Variants in MGAM observed in about 807,000 individuals in gnomAD.
The protein encoded by MGAM is maltase-glucoamylase, also known as alpha-1,4-glucosidase.
In MGAM, 253 loss-of-function variants were observed where a neutral mutation model predicts 358.8. The ratio of observed to expected loss-of-function variants is 0.71; its 90% CI spans 0.64 to 0.78. The LOEUF is 0.78. Ranked by LOEUF, MGAM falls within the 30% of genes least tolerant of loss-of-function variation. The pLI is 0.00. For missense variants in MGAM, 3,080 were observed against 3,432.6 expected (o/e 0.90, Z 2.57); for synonymous variants, 1,105 against 1,227.1 (o/e 0.90, Z 2.08).
chr7:142,068,617 C>G lies in MGAM; in HGVS notation c.5005-30C>G. On this transcript the variant is annotated intron_variant, in intron 42 of 70. Transcript: ENST00000475668. ...TACTCTGTCCTGGAAAATGGTGGCA[C>G]TGCCTCACCTTGTTTGTGTTTCATT... The G allele has an allele frequency of 2.0e-6, 3 of 1,483,050 alleles. 1 individual carries two copies. Among genetic ancestry groups the G allele is most frequent in the Non-Finnish European group, 2.8e-6 (3 of 1,068,988 alleles). 91.9% of individuals were successfully genotyped at this position (1,483,050 alleles called of 1,614,324 possible).
At chr7:142,046,613 C>G (rs1319161862) in intron 21 of MGAM, among the ~76,000 whole-genome samples, 1 of 152,012 alleles carries the variant, frequency 6.6e-6, no homozygotes, top group Non-Finnish European at 1.5e-5. Flanking sequence ...TACTAAGCCC[C>G]CTTTTGGTTT....
intron 21 of MGAM, among the ~76,000 whole-genome samples, chr7:142,044,812 A>T (rs1037300807): frequency 9.4e-5 from 7 of 74,456 alleles, no homozygotes; most frequent in African/African-American, 4.0e-4. Context: ...TATATTATAT[A>T]CACGTGTAAT....
chr7:142,074,083 A>G lies in MGAM; in HGVS notation c.5187-2A>G, dbSNP rs1345229372. The G allele has an allele frequency of 1.3e-6, 2 of 1,529,018 alleles. No homozygotes were observed. Among genetic ancestry groups the G allele is most frequent in the African/African-American group, 1.3e-5 (1 of 74,436 alleles). 94.7% of individuals were successfully genotyped at this position (1,529,018 alleles called of 1,614,324 possible). On this transcript the variant is annotated splice_acceptor_variant, in intron 44 of 70. Transcript: ENST00000475668. LOFTEE classifies it high-confidence loss of function. ...TTGTCTCTTGAATCTTGTTCCCCACAGTCGAAAGAACCCTCTTGGTCTTAT... is the reference window on the plus strand; with the variant it reads ...TTGTCTCTTGAATCTTGTTCCCCACGGTCGAAAGAACCCTCTTGGTCTTAT...
chr7:142,093,079 A>C (rs1815551592), intron 59 of MGAM, among the ~76,000 whole-genome samples: 1 of 146,588 alleles, frequency 6.8e-6, no homozygotes, highest in Non-Finnish European at 1.5e-5. Context: ...TCAGTCTGCT[A>C]AACTGTAAAA....
chr7:142,066,556 T>C lies in MGAM; in HGVS notation c.4771-17T>C, dbSNP rs541177025. ...ATTCCAGGGCGAGCTCCCAACACTGTTCTCTTTCTCCTTTAGAGACAAGAC... is the reference window on the plus strand; with the variant it reads ...ATTCCAGGGCGAGCTCCCAACACTGCTCTCTTTCTCCTTTAGAGACAAGAC... On this transcript the variant is annotated splice_polypyrimidine_tract_variant and intron_variant, in intron 40 of 70. Transcript: ENST00000475668. 6.4e-7 allele frequency: 1 copy of C among 1,553,924 alleles called. No individual in the cohort carries two copies. The highest frequency in any genetic ancestry group is 1.1e-5 in the South Asian group (1 of 88,978).
Position 142,047,868 on chromosome 7 carries a change from C to T in MGAM, c.2582C>T (p.Thr861Met), listed in dbSNP as rs371863994. ...GAACTTTTCTGGGATAATGGGGAAACGAAGGGTGAGCACTTATACGATAAT... is the reference window on the plus strand; with the variant it reads ...GAACTTTTCTGGGATAATGGGGAAATGAAGGGTGAGCACTTATACGATAAT... ...KGELFWDNGE[T>M]KDTVANKVYL... The change falls in exon 22 of 71, where the codon ACG becomes ATG. Residue 861 changes from threonine to methionine, a missense_variant. Around this residue, in one of 5 missense-constraint regions of MGAM, gnomAD observed 1,816 missense variants for 1,840.5 expected, o/e 0.99. Transcript: ENST00000475668. 1.4e-5 allele frequency: 23 copies of T among 1,599,716 alleles called. No homozygotes were observed. In the African/African-American group the frequency reaches 1.7e-4, roughly 12 times the overall value.
intron 34 of MGAM, among the ~76,000 whole-genome samples, chr7:142,061,305 C>T (rs1812176792): frequency 1.3e-5 from 2 of 152,152 alleles, no homozygotes; most frequent in Non-Finnish European, 2.9e-5. Context: ...CATCCCCCAC[C>T]CATCCCGTCG....
chr7:142,048,265 G>A (rs1810588457), intron 22 of MGAM, among the ~76,000 whole-genome samples: 1 of 151,336 alleles, frequency 6.6e-6, no homozygotes. Flanking sequence ...TGATTCTTCT[G>A]TCTCAGCCTC....
chr7:142,085,331 C>T (rs542581746), intron 54 of MGAM, among the ~76,000 whole-genome samples: 1 of 146,748 alleles, frequency 6.8e-6, no homozygotes, highest in South Asian at 2.2e-4. Flanking sequence ...ATTTCATTCT[C>T]CAGAAGAATG....
At chr7:142,033,949 C>A (rs1807738810) in intron 14 of MGAM, among the ~76,000 whole-genome samples, 2 of 152,170 alleles carry the variant, frequency 1.3e-5, no homozygotes, top group African/African-American at 4.8e-5. Context: ...CATTCTTGGA[C>A]CACTTAACTT....
At chr7:142,090,349 C>G (rs4725567) in intron 57 of MGAM, among the ~76,000 whole-genome samples, 119,763 of 144,482 alleles carry the variant, frequency 0.83, 51,907 homozygotes, top group South Asian at 0.93. Context: ...TATTCTAATT[C>G]TCCATCCCCC....
intron 22 of MGAM, among the ~76,000 whole-genome samples, chr7:142,048,516 A>ATTTTTTTTTTTTTTTTTTTTTTTTTT (rs1563163857): frequency 8.5e-5 from 13 of 152,058 alleles, no homozygotes; most frequent in South Asian, 2.1e-4. Flanking sequence ...CCGTAACCCA[A>ATTTTTTTTTTTTTTTTTTTTTTTTTT]TGTTAATGTC....
chr7:141,996,427 G>T (rs1356717625), intron 1 of MGAM, among the ~76,000 whole-genome samples: 1 of 151,956 alleles, frequency 6.6e-6, no homozygotes, highest in Non-Finnish European at 1.5e-5. Context: ...TTCTTAGTGT[G>T]TGTATATTTT....
intron 53 of MGAM, 65 bp from the exon 54 acceptor site, chr7:142,084,454 C>A: frequency 2.0e-6 from 3 of 1,477,422 alleles, no homozygotes; most frequent in Non-Finnish European, 2.8e-6. Flanking sequence ...ATTCTTATTA[C>A]TTGATGTAAA....
In MGAM at chr7:142,030,334, T is replaced by C. The variant is rs782692188; in HGVS notation, c.1222-28T>C. 7 of 1,608,628 alleles carry C rather than the reference T, an allele frequency of 4.4e-6. No homozygotes were observed. The East Asian group carries it at 1.6e-4, about 36-fold the overall frequency. On this transcript the variant is annotated intron_variant, in intron 10 of 70. Transcript: ENST00000475668. ...TTTTACTATGGAAATTCCTAGGTGCTAATTGTGGACTTTGTATATTCTTTC... is the reference window on the plus strand; with the variant it reads ...TTTTACTATGGAAATTCCTAGGTGCCAATTGTGGACTTTGTATATTCTTTC...
rs1410737024 is a variant in MGAM, at chr7:142,076,381, C to T, written c.5325+129C>T. 2.9e-6 allele frequency: 3 copies of T among 1,019,650 alleles called. No homozygotes were observed. In the African/African-American group the frequency reaches 4.6e-5, roughly 16 times the overall value. The allele number at this position is 1,019,650 out of a possible 1,614,324, so 63.2% of individuals were successfully genotyped here. ...TTATTGGCTATAGGTGAGCACATTTCTATTTATGATTTCATCGATGTTTTC... is the reference window on the plus strand; with the variant it reads ...TTATTGGCTATAGGTGAGCACATTTTTATTTATGATTTCATCGATGTTTTC... On this transcript the variant is annotated intron_variant, in intron 46 of 70. Coordinates refer to ENST00000475668, the MANE Select transcript of MGAM (RefSeq NM_001365693.1).
In MGAM at chr7:142,094,845, C is replaced by T; in HGVS notation, c.7440C>T (p.His2480=). ...CCTTTTACCCCTTCTCAAGAAACCA[C>T]AACACCATTGGGACCAGGGTAGGAC... The part of the protein sequence containing the change: ...LGAFYPFSRN[H]NTIGTRRQDP... The change falls in exon 63 of 71, where the codon CAC becomes CAT. Residue 2480 remains histidine, a synonymous_variant. Coordinates refer to ENST00000475668, the MANE Select transcript of MGAM (RefSeq NM_001365693.1). 6.2e-7 allele frequency: 1 copy of T among 1,613,998 alleles called. No homozygotes were observed. Among genetic ancestry groups the T allele is most frequent in the Non-Finnish European group, 8.5e-7 (1 of 1,179,890 alleles).
At chr7:142,019,398 G>A in intron 4 of MGAM, 79 bp downstream of exon 4, 5 of 1,508,436 alleles carry the variant, frequency 3.3e-6, no homozygotes, top group Non-Finnish European at 4.5e-6. Context: ...GCAGCCTGCA[G>A]AGTTCTGCTC....
intron 19 of MGAM, among the ~76,000 whole-genome samples, chr7:142,038,897 G>A (rs1027108501): frequency 3.3e-5 from 5 of 152,074 alleles, no homozygotes; most frequent in African/African-American, 1.2e-4. Context: ...TTGCTATACA[G>A]AAATTCCTGA....
Sources: allele counts gnomAD v4.1 joint callset (sites outside exome capture counted in the v4.1 genomes callset), GRCh38; gene constraint gnomAD v4.1.1; regional missense constraint gnomAD v4.1.1; transcripts MANE v1.5; gene names NCBI Gene and HGNC (gene_info 2026-07-23, HGNC 2026-07-21).